The following PARD3B variants were observed in gnomAD, a reference collection of about 807,000 sequenced individuals.
PARD3B encodes par-3 family cell polarity regulator beta.
In PARD3B, 103 loss-of-function variants were observed where a neutral mutation model predicts 130.2. That is an observed-to-expected ratio of 0.79 (90% CI 0.67 to 0.93). PARD3B has a LOEUF of 0.93. Among genes scored for constraint, PARD3B ranks in the 40% least tolerant of loss-of-function variants. The pLI is 0.00. For synonymous variants in PARD3B, 583 were observed against 553.2 expected, an observed-to-expected ratio of 1.05 and a Z score of -0.76; for missense variants, 1,609 against 1,499.2, an observed-to-expected ratio of 1.07 and a Z score of -1.21.
At chr2:205,235,605 C>G (rs959258922) in intron 15 of PARD3B, among the ~76,000 whole-genome samples, 16 of 152,206 alleles carry the variant, frequency 1.1e-4, no homozygotes, top group African/African-American at 3.9e-4. Context: ...GTGACTAATA[C>G]ACAGGTACAT....
intron 21 of PARD3B, among the ~76,000 whole-genome samples, chr2:205,531,453 A>G (rs1233161366): frequency 6.6e-6 from 1 of 152,118 alleles, no homozygotes; most frequent in Admixed American, 6.5e-5. Context: ...TCTCATCTGT[A>G]TTTTTCATAT....
chr2:205,354,864 C>T (rs1022108432), intron 18 of PARD3B, among the ~76,000 whole-genome samples: 2 of 152,144 alleles, frequency 1.3e-5, no homozygotes, highest in Non-Finnish European at 2.9e-5. Flanking sequence ...GGATGTTAAT[C>T]TCCTGGGACA....
intron 4 of PARD3B, among the ~76,000 whole-genome samples, chr2:205,095,225 G>C (rs1207194320): frequency 6.6e-6 from 1 of 152,002 alleles, no homozygotes; most frequent in Non-Finnish European, 1.5e-5. Flanking sequence ...TAATGATATA[G>C]GAAAACTAGG....
At chr2:204,771,454 A>C (rs1048319731) in intron 2 of PARD3B, among the ~76,000 whole-genome samples, 1 of 152,102 alleles carries the variant, frequency 6.6e-6, no homozygotes, top group Non-Finnish European at 1.5e-5. Flanking sequence ...AGTTTGTCAT[A>C]GCACCATTTA....
At chr2:205,450,077 T>G (rs2048044813) in intron 20 of PARD3B, among the ~76,000 whole-genome samples, 2 of 152,232 alleles carry the variant, frequency 1.3e-5, no homozygotes, top group Admixed American at 1.3e-4. Flanking sequence ...GACATGAGTA[T>G]ATCTGCTCTT....
chr2:204,862,373 A>G (rs2045245187), intron 2 of PARD3B, among the ~76,000 whole-genome samples: 4 of 152,172 alleles, frequency 2.6e-5, no homozygotes, highest in Admixed American at 6.5e-5. Context: ...TCTTTCATTA[A>G]TGGCTGAAGC....
At position 205,146,927 on chromosome 2, in the gene PARD3B, G is replaced by A. The variant is rs1427322795; in HGVS notation, c.1435-11795G>A. ...AATGGGGTTTTGCCATGTTGGCCAG[G>A]CTGGTCTCGAACTCCTGACCTCAAG... On this transcript the variant is annotated intron_variant, in intron 10 of 22. Coordinates refer to ENST00000406610, the MANE Select transcript of PARD3B (RefSeq NM_001302769.2). The surrounding 1 kb of genome is among the most constrained non-coding windows in gnomAD (Gnocchi z 4.3). Among the ~76,000 whole-genome samples, 1 of 151,898 alleles carries A rather than the reference G, an allele frequency of 6.6e-6. No homozygotes were observed. Among genetic ancestry groups the A allele is most frequent in the Non-Finnish European group, 1.5e-5 (1 of 67,988 alleles).
intron 1 of PARD3B, among the ~76,000 whole-genome samples, chr2:204,602,828 T>G (rs532972650): frequency 6.6e-6 from 1 of 152,254 alleles, no homozygotes; most frequent in South Asian, 2.1e-4. Flanking sequence ...TTTGGTCGTT[T>G]GGATTTTATA....
chr2:205,047,088 A>G (rs1166164020), intron 3 of PARD3B, among the ~76,000 whole-genome samples: 2 of 152,212 alleles, frequency 1.3e-5, no homozygotes, highest in East Asian at 3.8e-4. Flanking sequence ...GTACTTAAAT[A>G]GGCATTAATG....
At chr2:205,390,951 T>C (rs1490542948) in intron 18 of PARD3B, among the ~76,000 whole-genome samples, 1 of 152,218 alleles carries the variant, frequency 6.6e-6, no homozygotes, top group Non-Finnish European at 1.5e-5. Context: ...TTCTTTGACA[T>C]GAGTCAGTTT....
At position 205,579,661 on chromosome 2, in the gene PARD3B, G is replaced by A. The variant is rs1048816882; in HGVS notation, c.3260+26258G>A. ...CCCATTTTGGAGGCCAACCTTGCCT[G>A]ATTTAAGGTGGCGCCTTTGTTGAGG... On this transcript the variant is annotated intron_variant, in intron 22 of 22. Transcript: ENST00000406610. Among the ~76,000 whole-genome samples, 7 of 152,096 alleles carry A rather than the reference G, an allele frequency of 4.6e-5. No homozygotes were observed. The East Asian group carries it at 1.4e-3, about 29-fold the overall frequency.
chr2:205,411,450 A>C (rs2046594726), intron 19 of PARD3B, among the ~76,000 whole-genome samples: 1 of 152,182 alleles, frequency 6.6e-6, no homozygotes, highest in African/African-American at 2.4e-5. Flanking sequence ...CTGCATGAAC[A>C]AACTTATCTG....
intron 2 of PARD3B, among the ~76,000 whole-genome samples, chr2:204,729,361 G>A (rs972527352): frequency 6.6e-6 from 1 of 152,088 alleles, no homozygotes; most frequent in African/African-American, 2.4e-5. Context: ...GTATTCCTTG[G>A]GTTCTTGCCT....
At position 204,966,267 on chromosome 2, in the gene PARD3B, A is replaced by G. The variant is rs192844885; in HGVS notation, c.394+944A>G. 2.3e-3 allele frequency among the ~76,000 whole-genome samples: 349 copies of G among 152,334 alleles called. 1 individual carries two copies. Among genetic ancestry groups the G allele is most frequent in the African/African-American group, 7.6e-3 (315 of 41,570 alleles). The stretch of plus-strand genomic sequence containing the variant: ...ATCCATATTTTGTACTGATTTTTGG[A>G]AAAGCATCTGTAGTGCCCCTTTTAA... On this transcript the variant is annotated intron_variant, in intron 3 of 22. Coordinates refer to ENST00000406610, the MANE Select transcript of PARD3B (RefSeq NM_001302769.2).
intron 21 of PARD3B, among the ~76,000 whole-genome samples, chr2:205,501,107 G>A (rs1448153777): frequency 2.0e-5 from 3 of 152,082 alleles, no homozygotes; most frequent in Non-Finnish European, 4.4e-5. Flanking sequence ...TGTGTGGGGG[G>A]CCTGTCATGC....
chr2:205,025,878 T>C (rs2125346087), intron 3 of PARD3B, among the ~76,000 whole-genome samples: 1 of 152,298 alleles, frequency 6.6e-6, no homozygotes, highest in African/African-American at 2.4e-5. Context: ...TTCTGATTTG[T>C]CCATTAATTC....
chr2:204,653,697 A>C (rs763865783), intron 1 of PARD3B, among the ~76,000 whole-genome samples: 80 of 149,788 alleles, frequency 5.3e-4, no homozygotes, highest in Non-Finnish European at 1.0e-3. Context: ...AGGCTGAGAC[A>C]GGAGAATTGC....
intron 19 of PARD3B, among the ~76,000 whole-genome samples, chr2:205,430,509 G>A (rs1367669998): frequency 6.6e-6 from 1 of 152,200 alleles, no homozygotes; most frequent in Non-Finnish European, 1.5e-5. Context: ...CAGTATCCAT[G>A]TGTAGCTAGC....
intron 16 of PARD3B, among the ~76,000 whole-genome samples, chr2:205,248,679 T>C (rs935815425): frequency 1.4e-5 from 2 of 140,694 alleles, no homozygotes; most frequent in Non-Finnish European, 3.0e-5. Flanking sequence ...CGATCTAGGC[T>C]CACTGCAAGC....
Sources: gnomAD v4.1 joint callset for allele counts (sites outside exome capture counted in the v4.1 genomes callset) on GRCh38, gnomAD v4.1.1 for gene constraint, Gnocchi (gnomAD v3.1) non-coding constraint, MANE v1.5 for transcripts, NCBI Gene and HGNC (gene_info 2026-07-23, HGNC 2026-07-21) for gene names.